CWC22: variants seen among roughly 807,000 people sequenced by gnomAD.
CWC22 encodes the protein CWC22 spliceosome associated protein.
In CWC22, 53 loss-of-function variants were observed where a neutral mutation model predicts 117.2. The observed-to-expected ratio is 0.45, with a 90% CI of 0.36 to 0.57. The LOEUF is 0.57. Ranked by LOEUF, CWC22 falls within the 20% of genes least tolerant of loss-of-function variation. The probability of loss-of-function intolerance (pLI) is 0.00; values close to 1 mark genes in which losing one functional copy is unlikely to be tolerated. For synonymous variants in CWC22, 360 were observed against 355.6 expected, an observed-to-expected ratio of 1.01 and a Z score of -0.14; for missense variants, 980 against 1,068.8, an observed-to-expected ratio of 0.92 and a Z score of 1.16.
intron 1 of CWC22, among the ~76,000 whole-genome samples, chr2:180,003,229 T>C (rs1687888134): frequency 6.6e-6 from 1 of 152,242 alleles, no homozygotes; most frequent in Admixed American, 6.5e-5. Flanking sequence ...CACTCCATGT[T>C]AACCTGTGGA....
chr2:179,985,496 TCTC>T (rs911024620), intron 4 of CWC22, among the ~76,000 whole-genome samples: 9 of 151,958 alleles, frequency 5.9e-5, no homozygotes, highest in African/African-American at 1.9e-4. Context: ...CATTATACCT[TCTC>T]CTGAGCAAAT....
At position 179,973,211 on chromosome 2, in the gene CWC22, A is replaced by G; in HGVS notation, c.786T>C (p.His262=). The part of the protein sequence containing the change: ...LCLTASKFVA[H]LINQNVAHEV... ...TACTTACCACATTTTGGTTAATAAG[A>G]TGCGCCACAAATTTTGAAGCAGTCA... The change falls in exon 8 of 20, where the codon CAT becomes CAC. Residue 262 remains histidine, a synonymous_variant. Transcript: ENST00000410053. 1 of 1,601,766 alleles carries G rather than the reference A, an allele frequency of 6.2e-7. No homozygotes were observed. Among genetic ancestry groups the G allele is most frequent in the East Asian group, 2.2e-5 (1 of 44,654 alleles).
At chr2:179,990,804 G>A (rs1459838544) in intron 2 of CWC22, among the ~76,000 whole-genome samples, 1 of 152,216 alleles carries the variant, frequency 6.6e-6, no homozygotes, top group Non-Finnish European at 1.5e-5. Context: ...TCATAAATAT[G>A]ATCAAGTAAC....
In CWC22 at chr2:179,970,737, G is replaced by A. The variant is rs776603270; in HGVS notation, c.1060C>T (p.Leu354=). Residue 354 remains leucine, a synonymous_variant, in exon 10 of 20, where the codon CTA becomes TTA. Coordinates refer to ENST00000410053, the MANE Select transcript of CWC22 (RefSeq NM_020943.3). ...KDGFKDHPII[L]EGLDLVEEDD... is the part of the protein sequence containing the mutation. ...TCTTCCACCAAATCAAGACCTTCTAGGATAATGGGGTGGTCCTTGAATCCA... is the reference window on the plus strand; with the variant it reads ...TCTTCCACCAAATCAAGACCTTCTAAGATAATGGGGTGGTCCTTGAATCCA... 153 of 1,613,566 alleles carry A rather than the reference G, an allele frequency of 9.5e-5. No individual in the cohort carries two copies. The highest frequency in any genetic ancestry group is 1.4e-5 in the Non-Finnish European group (16 of 1,179,732).
intron 1 of CWC22, among the ~76,000 whole-genome samples, 178 bp from the exon 2 acceptor site, chr2:179,993,632 C>A (rs1687627064): frequency 6.6e-6 from 1 of 151,552 alleles, no homozygotes; most frequent in Non-Finnish European, 1.5e-5. Flanking sequence ...CTAACACATA[C>A]AAGTAGAAAA....
chr2:180,006,018 T>C (rs1367215069), intron 1 of CWC22, among the ~76,000 whole-genome samples: 1 of 152,206 alleles, frequency 6.6e-6, no homozygotes, highest in African/African-American at 2.4e-5. Context: ...TAATGTCAAT[T>C]TTAAATCTGC....
intron 3 of CWC22, among the ~76,000 whole-genome samples, chr2:179,988,127 G>A (rs903816295): frequency 6.6e-6 from 1 of 152,354 alleles, no homozygotes; most frequent in East Asian, 1.9e-4. Context: ...AGGCGGGAAT[G>A]CTGGCAGGCC....
At chr2:179,977,701 G>C (rs1489597971) in intron 6 of CWC22, among the ~76,000 whole-genome samples, 3 of 152,128 alleles carry the variant, frequency 2.0e-5, no homozygotes, top group East Asian at 1.9e-4. Flanking sequence ...GCTGAAAACA[G>C]AGTAGATTTT....
chr2:179,965,649 G>A (rs751179906), intron 12 of CWC22, among the ~76,000 whole-genome samples: 1 of 152,200 alleles, frequency 6.6e-6, no homozygotes, highest in African/African-American at 2.4e-5. Flanking sequence ...TTTTTGAGCA[G>A]TTTCTCAGTC....
intron 1 of CWC22, among the ~76,000 whole-genome samples, chr2:180,000,653 T>C (rs1231134836): frequency 6.6e-6 from 1 of 152,192 alleles, no homozygotes; most frequent in Non-Finnish European, 1.5e-5. Flanking sequence ...TTTGAATGAC[T>C]AGATTGCCAG....
rs569418526 is a variant in CWC22 at position 179,990,298 on chromosome 2, A to C, written c.28-1654T>G. Among the ~76,000 whole-genome samples, 3 of 152,316 alleles carry C rather than the reference A, an allele frequency of 2.0e-5. No individual in the cohort carries two copies. In the South Asian group the frequency reaches 6.2e-4, roughly 32 times the overall value. On this transcript the variant is annotated intron_variant, in intron 2 of 19. Coordinates refer to ENST00000410053, the MANE Select transcript of CWC22 (RefSeq NM_020943.3). Reference sequence around the variant, plus strand: ...CATAGGTTTCTATAAAACTTCACATAAAGATCTTAGGTCAAATACAAAGCA... The same window carrying C: ...CATAGGTTTCTATAAAACTTCACATCAAGATCTTAGGTCAAATACAAAGCA...
In CWC22 at chr2:179,945,406, C is replaced by T; in HGVS notation, c.2450G>A (p.Gly817Asp). The change falls in exon 20 of 20, where the codon GGT becomes GAT. Residue 817 changes from glycine (G) to aspartate (D), a missense_variant. Gly to Asp is a moderately conservative substitution (Grantham distance 94). Around this residue, in one of 3 missense-constraint regions of CWC22, gnomAD observed 306 missense variants for 296.8 expected, o/e 1.03. Transcript: ENST00000410053. ...CTCTCCTCTCTTCTTTTTGGGATCA[C>T]CATGCTTATTTTCCAAATCTATATG... Reference protein sequence around the residue: ...EMHIDLENKHGDPKKKRGERR... With the variant: ...EMHIDLENKHDDPKKKRGERR... 6.2e-7 allele frequency: 1 copy of T among 1,613,272 alleles called. No homozygotes were observed. The highest frequency in any genetic ancestry group is 8.5e-7 in the Non-Finnish European group (1 of 1,179,594).
At chr2:179,945,847 T>C (rs1422662775) in intron 19 of CWC22, 132 bp from the exon 20 acceptor site, 11 of 600,132 alleles carry the variant, frequency 1.8e-5, no homozygotes, top group Non-Finnish European at 2.9e-5. Flanking sequence ...ATTGATTGAA[T>C]AGAAAGTCTG....
At chr2:179,966,934 A>T (rs1233924773) in intron 11 of CWC22, among the ~76,000 whole-genome samples, 2 of 152,366 alleles carry the variant, frequency 1.3e-5, no homozygotes, top group East Asian at 3.9e-4. Context: ...ATTATGAGAC[A>T]CAAATCATTT....
At chr2:179,980,419 A>ATTTTTTTTT (rs34435290) in intron 5 of CWC22, among the ~76,000 whole-genome samples, 1 of 136,534 alleles carries the variant, frequency 7.3e-6, no homozygotes. Context: ...GACATTTCTT[A>ATTTTTTTTT]TTTTTTTTTT....
At chr2:179,961,140 AT>A (rs1416228939) in intron 13 of CWC22, among the ~76,000 whole-genome samples, 1 of 152,028 alleles carries the variant, frequency 6.6e-6, no homozygotes. Context: ...CAAGAAAAAA[AT>A]ATGCTTTTAC....
At chr2:179,988,780 A>G (rs1469147418) in intron 2 of CWC22, 136 bp from the exon 3 acceptor site, 1 of 528,950 alleles carries the variant, frequency 1.9e-6, no homozygotes, top group Admixed American at 3.8e-5. Context: ...AGAATAATTC[A>G]TGTAACCTAA....
intron 6 of CWC22, among the ~76,000 whole-genome samples, chr2:179,974,763 T>C (rs964506986): frequency 2.6e-5 from 4 of 152,032 alleles, no homozygotes; most frequent in African/African-American, 7.2e-5. Context: ...TTTGGAGAGG[T>C]TGGGGAGAGA....
intron 1 of CWC22, among the ~76,000 whole-genome samples, chr2:179,997,550 T>C (rs999976716): frequency 6.6e-6 from 1 of 152,162 alleles, no homozygotes; most frequent in African/African-American, 2.4e-5. Flanking sequence ...TATAAAGGTA[T>C]AGAGAGCCAT....
Sources: allele counts gnomAD v4.1 joint callset (sites outside exome capture counted in the v4.1 genomes callset), GRCh38; gene constraint gnomAD v4.1.1; regional missense constraint gnomAD v4.1.1; transcripts MANE v1.5; gene names NCBI Gene and HGNC (gene_info 2026-07-23, HGNC 2026-07-21).